CSRNP3: variants seen among roughly 807,000 people sequenced by gnomAD.
The protein encoded by CSRNP3 is cysteine/serine-rich nuclear protein 3.
CSRNP3 carries 12 observed loss-of-function variants against 48.0 expected under a neutral mutation model. The ratio of observed to expected loss-of-function variants is 0.25; its 90% CI spans 0.16 to 0.41. The LOEUF is 0.41. Among genes scored for constraint, CSRNP3 ranks in the 10% least tolerant of loss-of-function variants. CSRNP3 has a pLI of 1.00. For synonymous variants in CSRNP3, 263 were observed against 269.7 expected (o/e 0.98, Z 0.24); for missense variants, 580 against 724.4 (o/e 0.80, Z 2.29).
intron 4 of CSRNP3, among the ~76,000 whole-genome samples, chr2:165,620,233 G>A (rs1388786215): frequency 6.6e-6 from 1 of 151,966 alleles, no homozygotes; most frequent in Non-Finnish European, 1.5e-5. Context: ...AATTGTCCAA[G>A]AAATCTAATA....
intron 4 of CSRNP3, among the ~76,000 whole-genome samples, chr2:165,604,603 T>C (rs980211767): frequency 1.3e-5 from 2 of 152,268 alleles, no homozygotes; most frequent in African/African-American, 4.8e-5. Context: ...TTATGCATTC[T>C]TAACATGTAC....
chr2:165,519,299 A>G (rs907543209), intron 3 of CSRNP3, among the ~76,000 whole-genome samples: 1 of 151,930 alleles, frequency 6.6e-6, no homozygotes. Context: ...AGTACATTGG[A>G]TTTCCTTACT....
chr2:165,642,484 C>T (rs935965220), intron 4 of CSRNP3, among the ~76,000 whole-genome samples: 3 of 151,490 alleles, frequency 2.0e-5, no homozygotes, highest in Non-Finnish European at 4.4e-5. Flanking sequence ...TATTTTTTTG[C>T]AAGAATTGCA....
intron 4 of CSRNP3, among the ~76,000 whole-genome samples, chr2:165,651,070 T>C (rs1686894652): frequency 6.6e-6 from 1 of 152,240 alleles, no homozygotes; most frequent in South Asian, 2.1e-4. Context: ...AGCTCATTGC[T>C]CAAGCATTCG....
intron 3 of CSRNP3, among the ~76,000 whole-genome samples, chr2:165,519,717 A>G (rs1684626896): frequency 6.6e-6 from 1 of 152,122 alleles, no homozygotes; most frequent in South Asian, 2.1e-4. Flanking sequence ...AGTGACAGCA[A>G]TGAATAAAAT....
chr2:165,508,197 T>C (rs541200506), intron 2 of CSRNP3, among the ~76,000 whole-genome samples: 2 of 152,110 alleles, frequency 1.3e-5, no homozygotes, highest in South Asian at 2.1e-4. Context: ...CCCAGGACCA[T>C]CTGTAAGAAT....
At chr2:165,587,352 A>C (rs1196264415) in intron 3 of CSRNP3, among the ~76,000 whole-genome samples, 7 of 152,240 alleles carry the variant, frequency 4.6e-5, no homozygotes, top group African/African-American at 7.2e-5. Context: ...AAAAAGATAA[A>C]TTGGTGACAG....
chr2:165,598,588 G>A (rs1478060809), intron 4 of CSRNP3, among the ~76,000 whole-genome samples: 1 of 152,126 alleles, frequency 6.6e-6, no homozygotes, highest in African/African-American at 2.4e-5. Context: ...ATATTAGTCA[G>A]CAAATATAGA....
chr2:165,556,471 A>G (rs1032699174), intron 3 of CSRNP3, among the ~76,000 whole-genome samples: 31 of 152,170 alleles, frequency 2.0e-4, no homozygotes, highest in African/African-American at 7.2e-4. Flanking sequence ...CAAGGCAAAC[A>G]GAAGGGGAGC....
intron 3 of CSRNP3, among the ~76,000 whole-genome samples, chr2:165,578,426 A>G (rs918416190): frequency 2.0e-5 from 3 of 152,072 alleles, no homozygotes; most frequent in African/African-American, 7.2e-5. Flanking sequence ...AAATCTCACT[A>G]ATATAATATG....
At chr2:165,521,857 G>A (rs889325030) in intron 3 of CSRNP3, among the ~76,000 whole-genome samples, 1 of 152,062 alleles carries the variant, frequency 6.6e-6, no homozygotes, top group Non-Finnish European at 1.5e-5. Flanking sequence ...ATTGACCGAT[G>A]TCCCCTCAGA....
At chr2:165,649,486 T>C (rs1686870837) in intron 4 of CSRNP3, among the ~76,000 whole-genome samples, 1 of 152,240 alleles carries the variant, frequency 6.6e-6, no homozygotes. Context: ...GGTTCTTATA[T>C]GTGTCTATCA....
intron 3 of CSRNP3, among the ~76,000 whole-genome samples, chr2:165,556,344 C>G (rs1685160361): frequency 6.6e-6 from 1 of 152,050 alleles, no homozygotes; most frequent in South Asian, 2.1e-4. Flanking sequence ...ATTTCTGAGG[C>G]AAATCCAAGT....
In CSRNP3 at chr2:165,685,070, CTA is replaced by C. The variant is rs1010914330; in HGVS notation, c.*5319_*5320del. On this transcript the variant is annotated 3_prime_UTR_variant, in exon 7 of 7. Coordinates refer to ENST00000651982, the MANE Select transcript of CSRNP3 (RefSeq NM_001172173.2). ...ACACACCTACAGCATTCTAAAGAAA[CTA>C]TTTTGTTAAAAAATTTAAACACATT... The C allele has an allele frequency of 1.3e-5, 2 of 152,046 alleles. No homozygotes were observed. The highest frequency in any genetic ancestry group is 2.4e-5 in the African/African-American group (1 of 41,434). 9.4% of individuals were successfully genotyped at this position (152,046 alleles called of 1,614,324 possible). A position where few individuals can be genotyped will look rare whatever the true frequency, so the allele number is the denominator to read the frequency against.
In CSRNP3 at chr2:165,542,017, A is replaced by G. The variant is rs183110291; in HGVS notation, c.-24+24056A>G. 3.7e-4 allele frequency among the ~76,000 whole-genome samples: 57 copies of G among 152,318 alleles called. No individual in the cohort carries two copies. In the East Asian group the frequency reaches 0.01, roughly 28 times the overall value. On this transcript the variant is annotated intron_variant, in intron 3 of 6. Transcript: ENST00000651982. ...AACTCTGTTCACCACAGCACTGTCC[A>G]TGCTGAACAGTAACTAAATGTACTG...
intron 2 of CSRNP3, among the ~76,000 whole-genome samples, chr2:165,508,874 G>A (rs979570809): frequency 5.3e-5 from 8 of 152,056 alleles, no homozygotes; most frequent in South Asian, 2.1e-4. Flanking sequence ...CATTTGTTTC[G>A]GGTTAGTTTT....
At chr2:165,658,509 A>G (rs1687044338) in intron 5 of CSRNP3, among the ~76,000 whole-genome samples, 1 of 152,224 alleles carries the variant, frequency 6.6e-6, no homozygotes, top group African/African-American at 2.4e-5. Flanking sequence ...TGAAGAGGTG[A>G]CTAGGCAAAG....
At chr2:165,483,991 G>A (rs925969872) in intron 1 of CSRNP3, among the ~76,000 whole-genome samples, 3 of 152,100 alleles carry the variant, frequency 2.0e-5, no homozygotes, top group African/African-American at 4.8e-5. Flanking sequence ...TATAGCAATT[G>A]TAACAATTCT....
chr2:165,558,667 CTT>C (rs995877396), intron 3 of CSRNP3, among the ~76,000 whole-genome samples: 1 of 152,084 alleles, frequency 6.6e-6, no homozygotes, highest in African/African-American at 2.4e-5. Context: ...CCAGATTCCT[CTT>C]GTTTATTATG....
Sources: allele counts gnomAD v4.1 joint callset (sites outside exome capture counted in the v4.1 genomes callset), GRCh38; gene constraint gnomAD v4.1.1; transcripts MANE v1.5; gene names NCBI Gene and HGNC (gene_info 2026-07-23, HGNC 2026-07-21).